The following PRKG1 variants were observed in gnomAD, a reference collection of about 807,000 sequenced individuals.
PRKG1 encodes the protein protein kinase cGMP-dependent 1, also known as cGMP-dependent protein kinase 1.
Under a neutral mutation model 88.1 loss-of-function variants are expected in PRKG1, and 35 were observed. The observed-to-expected ratio is 0.40, with a 90% CI of 0.30 to 0.53. The LOEUF is 0.53. Ranked by LOEUF, PRKG1 falls within the 20% of genes least tolerant of loss-of-function variation. The pLI, the probability that PRKG1 is intolerant of heterozygous loss-of-function variation, is 0.59. For synonymous variants in PRKG1, 303 were observed against 292.5 expected (o/e 1.04, Z -0.37); for missense variants, 540 against 839.8 (o/e 0.64, Z 4.41).
intron 9 of PRKG1, among the ~76,000 whole-genome samples, chr10:52,222,389 TATA>T (rs1840268634): frequency 6.6e-6 from 1 of 152,212 alleles, no homozygotes; most frequent in Admixed American, 6.5e-5. Flanking sequence ...CCAAGCCTAC[TATA>T]ATGACATGAA....
chr10:52,193,939 T>C (rs1269333752), intron 9 of PRKG1, among the ~76,000 whole-genome samples: 3 of 152,200 alleles, frequency 2.0e-5, no homozygotes, highest in Non-Finnish European at 4.4e-5. Flanking sequence ...AATCCCTTTA[T>C]GTGCATTGAA....
rs139929867 is a variant in PRKG1 at position 52,281,869 on chromosome 10, G to C, written c.1546-284G>C. On this transcript the variant is annotated intron_variant, in intron 13 of 17. Coordinates refer to ENST00000373980, the MANE Select transcript of PRKG1 (RefSeq NM_006258.4). The stretch of plus-strand genomic sequence containing the variant: ...TGTGTTTACACTCCAACCTCCATTA[G>C]CATAAAAGAAGAAAAAATGAAAACT... 8.1e-3 allele frequency among the ~76,000 whole-genome samples: 1,236 copies of C among 152,062 alleles called. 9 individuals carry two copies. Among genetic ancestry groups the C allele is most frequent in the Admixed American group, 0.014 (211 of 15,240 alleles).
At chr10:52,225,553 A>G (rs1444437329) in intron 9 of PRKG1, among the ~76,000 whole-genome samples, 1 of 152,126 alleles carries the variant, frequency 6.6e-6, no homozygotes, top group African/African-American at 2.4e-5. Context: ...TGGCCATGAA[A>G]TCCTTGCCTA....
intron 2 of PRKG1, among the ~76,000 whole-genome samples, chr10:51,417,457 G>A (rs1471147076): frequency 1.3e-5 from 2 of 152,168 alleles, no homozygotes; most frequent in Non-Finnish European, 2.9e-5. Flanking sequence ...GCTTGTTGGA[G>A]GCTCTGTATG....
intron 5 of PRKG1, among the ~76,000 whole-genome samples, chr10:51,982,796 A>T (rs1844045339): frequency 6.6e-6 from 1 of 150,480 alleles, no homozygotes; most frequent in Admixed American, 6.6e-5. Context: ...TATACATTCC[A>T]GCAGCAGCAG....
At chr10:51,345,954 A>C (rs528059416) in intron 2 of PRKG1, among the ~76,000 whole-genome samples, 1 of 152,308 alleles carries the variant, frequency 6.6e-6, no homozygotes, top group South Asian at 2.1e-4. Context: ...TTCAGTACAG[A>C]TAGCATTATT....
At chr10:51,895,875 G>C (rs1841832098) in intron 4 of PRKG1, among the ~76,000 whole-genome samples, 1 of 152,036 alleles carries the variant, frequency 6.6e-6, no homozygotes, top group Non-Finnish European at 1.5e-5. Flanking sequence ...CAATTGCCTA[G>C]AGAGGTTGAC....
At chr10:51,269,487 G>A (rs996580500) in intron 2 of PRKG1, among the ~76,000 whole-genome samples, 2 of 152,076 alleles carry the variant, frequency 1.3e-5, no homozygotes, top group African/African-American at 4.8e-5. Flanking sequence ...ACCAACGAAT[G>A]GATAAAGAAA....
chr10:52,055,580 A>G (rs1254595538), intron 6 of PRKG1, among the ~76,000 whole-genome samples: 1 of 152,178 alleles, frequency 6.6e-6, no homozygotes, highest in Non-Finnish European at 1.5e-5. Flanking sequence ...AAATACCTTA[A>G]ATTTATTTCC....
chr10:51,658,056 C>T (rs1442230224), intron 3 of PRKG1, among the ~76,000 whole-genome samples: 2 of 152,086 alleles, frequency 1.3e-5, no homozygotes, highest in African/African-American at 2.4e-5. Context: ...TAAGACCAGG[C>T]TCATGAATGA....
intron 3 of PRKG1, among the ~76,000 whole-genome samples, chr10:51,480,341 T>C (rs1840318014): frequency 6.6e-6 from 1 of 152,188 alleles, no homozygotes; most frequent in African/African-American, 2.4e-5. Flanking sequence ...AAGTAAACCA[T>C]TTTATAACCA....
intron 9 of PRKG1, among the ~76,000 whole-genome samples, chr10:52,216,503 T>C (rs369754251): frequency 6.6e-6 from 1 of 152,334 alleles, no homozygotes; most frequent in East Asian, 1.9e-4. Flanking sequence ...ACATCCAAAA[T>C]AGAAAAATAC....
chr10:52,176,839 A>T (rs1485048819), intron 9 of PRKG1, among the ~76,000 whole-genome samples: 1 of 152,056 alleles, frequency 6.6e-6, no homozygotes, highest in Non-Finnish European at 1.5e-5. Context: ...TAGAAATGTT[A>T]TTGATTTTTG....
In PRKG1 at chr10:51,216,788, G is replaced by A. The variant is rs77754358; in HGVS notation, c.478+63458G>A. ...GGTATGGGTGTGTGTAAATATTTCAGCTAATTCAGCATTGATTTTTTCAGG... is the reference window on the plus strand; with the variant it reads ...GGTATGGGTGTGTGTAAATATTTCAACTAATTCAGCATTGATTTTTTCAGG... On this transcript the variant is annotated intron_variant, in intron 2 of 17. Coordinates refer to ENST00000373980, the MANE Select transcript of PRKG1 (RefSeq NM_006258.4). 3.2e-3 allele frequency among the ~76,000 whole-genome samples: 484 copies of A among 152,270 alleles called. 4 individuals carry two copies. The highest frequency in any genetic ancestry group is 0.011 in the African/African-American group (457 of 41,560).
intron 3 of PRKG1, among the ~76,000 whole-genome samples, chr10:51,715,167 TTTTA>T (rs1841856486): frequency 6.6e-6 from 1 of 152,226 alleles, no homozygotes; most frequent in Non-Finnish European, 1.5e-5. Context: ...TGTGATATGC[TTTTA>T]TTTATTGTTA....
rs1564650430 is a variant in PRKG1 at position 51,238,166 on chromosome 10, G to A, written c.478+84836G>A. ...AGAAGCATGATTCTTTTTCACTGTAGCCAGGAAAGCACTATTTCACTTATA... is the reference window on the plus strand; with the variant it reads ...AGAAGCATGATTCTTTTTCACTGTAACCAGGAAAGCACTATTTCACTTATA... On this transcript the variant is annotated intron_variant, in intron 2 of 17. Transcript: ENST00000373980. 2.0e-5 allele frequency among the ~76,000 whole-genome samples: 3 copies of A among 152,202 alleles called. No homozygotes were observed. The South Asian group carries it at 6.2e-4, about 32-fold the overall frequency.
At chr10:51,770,563 A>AG in intron 3 of PRKG1, among the ~76,000 whole-genome samples, 1 of 152,260 alleles carries the variant, frequency 6.6e-6, no homozygotes, top group East Asian at 1.9e-4. Flanking sequence ...AGAGGAGGTG[A>AG]GGGGGTGCGG....
At chr10:51,618,997 C>T (rs1401318106) in intron 3 of PRKG1, among the ~76,000 whole-genome samples, 1 of 149,900 alleles carries the variant, frequency 6.7e-6, no homozygotes, top group Non-Finnish European at 1.5e-5. Flanking sequence ...GGCTGGTCTC[C>T]ATCCCCTGAC....
chr10:51,736,130 G>A (rs1001404657), intron 3 of PRKG1, among the ~76,000 whole-genome samples: 1 of 150,846 alleles, frequency 6.6e-6, no homozygotes, highest in African/African-American at 2.4e-5. Flanking sequence ...GGGCTCGAAC[G>A]ATCCACCTGC....
Sources: allele counts gnomAD v4.1 joint callset (sites outside exome capture counted in the v4.1 genomes callset), GRCh38; gene constraint gnomAD v4.1.1; transcripts MANE v1.5; gene names NCBI Gene and HGNC (gene_info 2026-07-23, HGNC 2026-07-21).